WDR45: variants seen among roughly 807,000 people sequenced by gnomAD.
WDR45 encodes WD repeat domain phosphoinositide-interacting protein 4.
In WDR45, 2 loss-of-function variants were observed where a neutral mutation model predicts 27.3. The ratio of observed to expected loss-of-function variants is 0.07; its 90% CI spans 0.03 to 0.23. The LOEUF (loss-of-function observed/expected upper bound fraction) is 0.23. Ranked by LOEUF, WDR45 falls within the 10% of genes least tolerant of loss-of-function variation. The pLI, the probability that WDR45 is intolerant of heterozygous loss-of-function variation, is 1.00. For synonymous variants in WDR45, 99 were observed against 119.2 expected, an observed-to-expected ratio of 0.83 and a Z score of 1.11; for missense variants, 175 against 311.9, an observed-to-expected ratio of 0.56 and a Z score of 3.31.
At chrX:49,093,099 C>T (rs1271597734) in intron 2 of WDR45, among the ~76,000 whole-genome samples, 2 of 110,151 alleles carry the variant, frequency 1.8e-5, no homozygotes, top group Non-Finnish European at 3.8e-5. Flanking sequence ...CCATGCCTGG[C>T]TAATTTTTGT....
chrX:49,076,423 C>T lies in WDR45; in HGVS notation c.436+7G>A, dbSNP rs371913698. On this transcript the variant is annotated splice_region_variant and intron_variant, in intron 6 of 10. Coordinates refer to ENST00000376372, the MANE Select transcript of WDR45 (RefSeq NM_001029896.2). The stretch of plus-strand genomic sequence containing the variant: ...GCCCTTACACCTGTGTATCTGAGCC[C>T]TCTCACCCTTGGGGTTGTCCCGGGT... 5.4e-5 allele frequency: 65 copies of T among 1,209,190 alleles called. No homozygotes were observed. Among genetic ancestry groups the T allele is most frequent in the East Asian group, 5.9e-5 (2 of 33,794 alleles).
chrX:49,079,792 G>C lies in WDR45; in HGVS notation c.-59C>G, dbSNP rs1414925287. The stretch of plus-strand genomic sequence containing the variant: ...AGCTTCCTGCCGCCTTCACCGGCCT[G>C]ACCTCCGCGTGTCCCTGACCCGGGC... On this transcript the variant is annotated 5_prime_UTR_variant, in exon 1 of 11. Coordinates refer to ENST00000376372, the MANE Select transcript of WDR45 (RefSeq NM_001029896.2). The C allele has an allele frequency of 8.8e-6, 1 of 113,041 alleles. No individual in the cohort carries two copies. Among genetic ancestry groups the C allele is most frequent in the Admixed American group, 9.3e-5 (1 of 10,746 alleles). The allele number at this position is 113,041 out of a possible 1,213,427, so 9.3% of individuals were successfully genotyped here.
intron 1 of WDR45, among the ~76,000 whole-genome samples, 167 bp from the exon 2 acceptor site, chrX:49,078,279 T>C (rs1557084594): frequency 8.9e-6 from 1 of 112,560 alleles, no homozygotes; most frequent in Non-Finnish European, 1.9e-5. Context: ...CCCAGCACTT[T>C]GGGAGGCCAA....
chrX:49,097,753 T>G (rs904344294), intron 2 of WDR45, among the ~76,000 whole-genome samples: 1 of 106,571 alleles, frequency 9.4e-6, no homozygotes, highest in Non-Finnish European at 1.9e-5. Flanking sequence ...GCCTCCCAGG[T>G]TCAAGCGATT....
rs782296130 is a variant in WDR45, at chrX:49,075,273, C to T, written c.836G>A (p.Arg279His). The T allele has an allele frequency of 6.6e-6, 8 of 1,210,645 alleles. No homozygotes were observed. Among genetic ancestry groups the T allele is most frequent in the South Asian group, 5.3e-5 (3 of 56,864 alleles). Residue 279 changes from arginine (R) to histidine (H), a missense_variant, in exon 10 of 11, where the codon CGC (arginine) becomes CAC (histidine). Physicochemically the swap from Arg to His is conservative, Grantham distance 29. Transcript: ENST00000376372. ...TRLNRRSALA[R>H]VGKVGPMIGQ... ...AATCATAGGCCCCACCTTGCCCACGCGAGCCAGCCTGCAGGCAGCACTGGC... is the reference window on the plus strand; with the variant it reads ...AATCATAGGCCCCACCTTGCCCACGTGAGCCAGCCTGCAGGCAGCACTGGC...
intron 1 of WDR45, chrX:49,100,856 C>CAG (rs1316594504): frequency 8.9e-6 from 1 of 112,872 alleles, no homozygotes; most frequent in Non-Finnish European, 1.9e-5. Context: ...CGAGGAAGAC[C>CAG]AGACACCCGC....
chrX:49,097,662 AT>A (rs145129060), intron 2 of WDR45, among the ~76,000 whole-genome samples: 44,841 of 94,153 alleles, frequency 0.48, 9,105 homozygotes, highest in Middle Eastern at 0.71. Context: ...TATTATTATT[AT>A]TTTTTTTTTT....
chrX:49,082,337 G>A (rs782084752), upstream of WDR45, among the ~76,000 whole-genome samples: 4 of 111,264 alleles, frequency 3.6e-5, no homozygotes, highest in Non-Finnish European at 7.5e-5. Flanking sequence ...ACTGGTTCAT[G>A]ATATTATGTA....
intron 2 of WDR45, among the ~76,000 whole-genome samples, chrX:49,089,093 G>A (rs2065095873): frequency 8.9e-6 from 1 of 111,755 alleles, no homozygotes; most frequent in Admixed American, 9.6e-5. Flanking sequence ...TTCGAGACCA[G>A]CCTGGCCAAC....
chrX:49,082,012 T>TG (rs2065069426), upstream of WDR45: 3 of 107,929 alleles, frequency 2.8e-5, no homozygotes, highest in African/African-American at 1.0e-4. Flanking sequence ...AGAATATTCT[T>TG]GAAAAAAAAG....
rs1057522161 is a variant in WDR45 at position 49,076,535 on chromosome X, C to G, written c.342-11G>C. ...AGCACGATCACGATCCTGTGGGTAT[C>G]ACACAACACAGGATGGCCGTGAGGG... is the stretch of plus-strand genomic sequence containing the variant. On this transcript the variant is annotated splice_polypyrimidine_tract_variant and intron_variant, in intron 5 of 10. Coordinates refer to ENST00000376372, the MANE Select transcript of WDR45 (RefSeq NM_001029896.2). 4 of 1,208,424 alleles carry G rather than the reference C, an allele frequency of 3.3e-6. No homozygotes were observed. The African/African-American group carries it at 7.0e-5, about 21-fold the overall frequency.
chrX:49,077,880 C>T lies in WDR45; in HGVS notation c.87G>A (p.Val29=), dbSNP rs782616450. The T allele has an allele frequency of 8.2e-7, 1 of 1,212,151 alleles. No homozygotes were observed. Residue 29 remains valine, a synonymous_variant, in exon 3 of 11, where the codon GTG becomes GTA. Coordinates refer to ENST00000376372, the MANE Select transcript of WDR45 (RefSeq NM_001029896.2). ...TCAAGGGCTCCACGTTGTAGATGCG[C>T]ACACCTGTCTCCATGGCGCAGCAAA... ...SCFCCAMETG[V]RIYNVEPLME... is the part of the protein sequence containing the mutation.
chrX:49,097,377 A>G (rs1602552725), intron 2 of WDR45, among the ~76,000 whole-genome samples: 1 of 92,242 alleles, frequency 1.1e-5, no homozygotes, highest in Non-Finnish European at 2.1e-5. Context: ...GCCAGGCTGG[A>G]GTGTGGTGGC....
At chrX:49,097,362 C>A (rs782309900) in intron 2 of WDR45, among the ~76,000 whole-genome samples, 1 of 103,237 alleles carries the variant, frequency 9.7e-6, no homozygotes, top group African/African-American at 3.6e-5. Flanking sequence ...GAGTCTCGCT[C>A]TGTCGCCAGG....
chrX:49,076,049 C>G (rs1397111449), intron 6 of WDR45, 104 bp from the exon 7 acceptor site: 1 of 717,411 alleles, frequency 1.4e-6, no homozygotes, highest in East Asian at 3.5e-5. Context: ...CCACGATAAG[C>G]TTAACCCGAA....
At chrX:49,077,532 CTG>C in intron 4 of WDR45, 109 bp downstream of exon 4, 1 of 659,784 alleles carries the variant, frequency 1.5e-6, no homozygotes. Flanking sequence ...GGCCTCCTCT[CTG>C]TGTGACTCTG....
In WDR45 at chrX:49,076,460, A is replaced by G; in HGVS notation, c.406T>C (p.Phe136Leu). ...YSFPDNPRKL[F>L]EFDTRDNPKG... is the part of the protein sequence containing the mutation. ...GGGTTGTCCCGGGTATCAAACTCAA[A>G]CAGCTTTCGGGGATTGTCGGGGAAG... is the stretch of plus-strand genomic sequence containing the variant. The change falls in exon 6 of 11, where the codon TTT (phenylalanine) becomes CTT (leucine). Residue 136 changes from phenylalanine to leucine, a missense_variant. Around this residue, in one of 3 missense-constraint regions of WDR45, gnomAD observed 102 missense variants for 165.4 expected, o/e 0.62. Transcript: ENST00000376372. 2 of 1,211,504 alleles carry G rather than the reference A, an allele frequency of 1.7e-6. No individual in the cohort carries two copies. The highest frequency in any genetic ancestry group is 2.2e-6 in the Non-Finnish European group (2 of 895,431).
intron 2 of WDR45, among the ~76,000 whole-genome samples, chrX:49,089,149 G>A (rs1036509688): frequency 4.5e-5 from 5 of 110,690 alleles, no homozygotes; most frequent in Admixed American, 9.7e-5. Context: ...TTAGCTGGGC[G>A]TGGTGGCGCA....
intron 2 of WDR45, among the ~76,000 whole-genome samples, chrX:49,092,336 T>G (rs1002152437): frequency 1.1e-5 from 1 of 87,649 alleles, no homozygotes; most frequent in Non-Finnish European, 2.2e-5. Flanking sequence ...ATGGTGATGG[T>G]TTCATGAGTG....
Sources: allele counts gnomAD v4.1 joint callset (sites outside exome capture counted in the v4.1 genomes callset), GRCh38; gene constraint gnomAD v4.1.1; regional missense constraint gnomAD v4.1.1; transcripts MANE v1.5; gene names NCBI Gene and HGNC (gene_info 2026-07-23, HGNC 2026-07-21).